Variants in PTPN1 observed in about 807,000 individuals in gnomAD.
The protein encoded by PTPN1 is protein tyrosine phosphatase non-receptor type 1, also known as tyrosine-protein phosphatase non-receptor type 1.
A neutral mutation model predicts 59.9 loss-of-function variants in PTPN1; 12 were observed. The ratio of observed to expected loss-of-function variants is 0.20; its 90% confidence interval spans 0.13 to 0.32. The LOEUF (loss-of-function observed/expected upper bound fraction) is 0.32. Among genes scored for constraint, PTPN1 ranks in the 10% least tolerant of loss-of-function variants. The probability of loss-of-function intolerance (pLI) is 1.00; values close to 1 mark genes in which losing one functional copy is unlikely to be tolerated. For synonymous variants in PTPN1, 178 were observed against 203.6 expected (o/e 0.87, Z 1.07); for missense variants, 356 against 549.2 (o/e 0.65, Z 3.52).
chr20:50,517,520 A>G (rs2082534125), intron 1 of PTPN1, among the ~76,000 whole-genome samples: 1 of 152,178 alleles, frequency 6.6e-6, no homozygotes, highest in African/African-American at 2.4e-5. Context: ...CAGGCTCCCA[A>G]AGTGTTGGGA....
rs150719135 is a variant in PTPN1, at chr20:50,537,249, G to A, written c.64-24114G>A. ...GAGGCAGGAGAATCGTTTGAACTCC[G>A]GAGGCAGAGGTTGCAGTGAGCCGAG... On this transcript the variant is annotated intron_variant, in intron 1 of 9. Transcript: ENST00000371621. Among the ~76,000 whole-genome samples, 816 of 152,262 alleles carry A rather than the reference G, an allele frequency of 5.4e-3. 9 individuals carry two copies. Among genetic ancestry groups the A allele is most frequent in the African/African-American group, 0.019 (778 of 41,536 alleles).
In PTPN1 at chr20:50,523,165, G is replaced by C. The variant is rs1027484364; in HGVS notation, c.63+12575G>C. Among the ~76,000 whole-genome samples, 9 of 152,242 alleles carry C rather than the reference G, an allele frequency of 5.9e-5. No individual in the cohort carries two copies. The South Asian group carries it at 1.7e-3, about 28-fold the overall frequency. On this transcript the variant is annotated intron_variant, in intron 1 of 9. Coordinates refer to ENST00000371621, the MANE Select transcript of PTPN1 (RefSeq NM_002827.4). ...GAAGGGGAAGAAGAGGAAACGGGAG[G>C]AATGTTCCAGATTAGGGAAATAGCT...
chr20:50,524,232 T>C (rs973740019), intron 1 of PTPN1, among the ~76,000 whole-genome samples: 6 of 152,104 alleles, frequency 3.9e-5, no homozygotes, highest in African/African-American at 1.2e-4. Context: ...GAGGGTGATA[T>C]TTGTTTCATT....
rs1601409191 is a variant in PTPN1, at chr20:50,564,900, G to A, written c.155-69G>A. The A allele has an allele frequency of 5.7e-6, 9 of 1,589,170 alleles. No homozygotes were observed. The East Asian group carries it at 2.0e-4, about 36-fold the overall frequency. ...ACCAACTCACCTTTGCTTTTCTGTA[G>A]GGTGTGCACCTGTATGTACACATTC... On this transcript the variant is annotated intron_variant, in intron 2 of 9. Transcript: ENST00000371621.
chr20:50,543,975 A>T (rs563070857), intron 1 of PTPN1, among the ~76,000 whole-genome samples: 32 of 152,084 alleles, frequency 2.1e-4, no homozygotes, highest in Non-Finnish European at 1.9e-4. Context: ...CCTCCCGAGT[A>T]GCTGGGATTA....
chr20:50,582,745 A>C lies in PTPN1; in HGVS notation c.*30A>C. The C allele has an allele frequency of 1.2e-6, 2 of 1,613,016 alleles. No individual in the cohort carries two copies. Among genetic ancestry groups the C allele is most frequent in the East Asian group, 2.2e-5 (1 of 44,864 alleles). ...ACCCTCCTCCACTCCACCTCCACCC[A>C]CTGTCCGCCTCTGCCCGCAGAGCCC... On this transcript the variant is annotated 3_prime_UTR_variant, in exon 10 of 10. Coordinates refer to ENST00000371621, the MANE Select transcript of PTPN1 (RefSeq NM_002827.4). The surrounding 1 kb of genome is among the most constrained non-coding windows in gnomAD (Gnocchi z 4.2).
rs1333552800 is a variant in PTPN1 at position 50,582,280 on chromosome 20, A to G, written c.1285-412A>G. 2.0e-5 allele frequency among the ~76,000 whole-genome samples: 3 copies of G among 152,222 alleles called. No homozygotes were observed. The highest frequency in any genetic ancestry group is 7.2e-5 in the African/African-American group (3 of 41,460). On this transcript the variant is annotated intron_variant, in intron 9 of 9. Coordinates refer to ENST00000371621, the MANE Select transcript of PTPN1 (RefSeq NM_002827.4). The surrounding 1 kb of genome is among the most constrained non-coding windows in gnomAD (Gnocchi z 4.2). ...AGGTCACCACAGGGTGGCCATTGGC[A>G]TGTCAACCCGCTGTTAATTCAGAGA... is the stretch of plus-strand genomic sequence containing the variant.
intron 4 of PTPN1, chr20:50,574,285 C>G (rs919355293): frequency 6.4e-6 from 3 of 472,218 alleles, no homozygotes; most frequent in East Asian, 7.5e-5. Context: ...GACCGGGGAG[C>G]CGATGGGTTT....
In PTPN1 at chr20:50,582,541, GGA is replaced by G; in HGVS notation, c.1285-147_1285-146del. ...TTTTTTCCTTGGGGATGATTTTTGGGGAGAGGGGGCTACTGTAAAAAATAAAA... is the reference window on the plus strand; with the variant it reads ...TTTTTTCCTTGGGGATGATTTTTGGGGAGGGGGCTACTGTAAAAAATAAAA... On this transcript the variant is annotated intron_variant, in intron 9 of 9. Coordinates refer to ENST00000371621, the MANE Select transcript of PTPN1 (RefSeq NM_002827.4). This position sits in a 1 kb window ranked among gnomAD's most constrained non-coding sequence, Gnocchi z 4.2. 1 of 733,198 alleles carries G rather than the reference GGA, an allele frequency of 1.4e-6. No homozygotes were observed. The highest frequency in any genetic ancestry group is 2.8e-5 in the East Asian group (1 of 36,318). The allele number at this position is 733,198 out of a possible 1,614,324, so 45.4% of individuals were successfully genotyped here. A position where few individuals can be genotyped will look rare whatever the true frequency, so the allele number is the denominator to read the frequency against.
At chr20:50,511,390 C>T (rs1167467437) in intron 1 of PTPN1, among the ~76,000 whole-genome samples, 2 of 152,070 alleles carry the variant, frequency 1.3e-5, no homozygotes, top group African/African-American at 4.8e-5. Context: ...GTGAGCTGAA[C>T]CAAGAGGAGC....
At chr20:50,533,139 C>T (rs528069250) in intron 1 of PTPN1, among the ~76,000 whole-genome samples, 2 of 151,704 alleles carry the variant, frequency 1.3e-5, no homozygotes, top group South Asian at 2.1e-4. Context: ...GGTGTTCTAG[C>T]GAATTTCTAA....
intron 1 of PTPN1, among the ~76,000 whole-genome samples, chr20:50,514,144 T>A (rs938395181): frequency 3.3e-5 from 5 of 152,256 alleles, no homozygotes; most frequent in African/African-American, 1.2e-4. Flanking sequence ...ATCACTGGCA[T>A]ATTTATAGGA....
chr20:50,574,890 G>C, intron 5 of PTPN1: 2 of 464,076 alleles, frequency 4.3e-6, no homozygotes, highest in South Asian at 6.4e-5. Context: ...CCAGTTCTTA[G>C]GGAAAGGAGA....
At chr20:50,527,867 T>G (rs1387697274) in intron 1 of PTPN1, among the ~76,000 whole-genome samples, 1 of 152,180 alleles carries the variant, frequency 6.6e-6, no homozygotes, top group Non-Finnish European at 1.5e-5. Flanking sequence ...CTTCTCTGTT[T>G]GTTCCTCAAC....
intron 1 of PTPN1, among the ~76,000 whole-genome samples, chr20:50,544,294 A>G (rs550033781): frequency 6.6e-6 from 1 of 152,116 alleles, no homozygotes; most frequent in Non-Finnish European, 1.5e-5. Context: ...GGGACCACAG[A>G]CATGTACCAC....
At chr20:50,580,966 C>A (rs1052741682) in intron 8 of PTPN1, among the ~76,000 whole-genome samples, 1 of 152,164 alleles carries the variant, frequency 6.6e-6, no homozygotes, top group Non-Finnish European at 1.5e-5. Context: ...CCAGTGAGTC[C>A]TCCAGCCAGA....
At chr20:50,581,951 CTT>C (rs2122809300) in intron 9 of PTPN1, among the ~76,000 whole-genome samples, 1 of 152,286 alleles carries the variant, frequency 6.6e-6, no homozygotes, top group South Asian at 2.1e-4. Context: ...GAATCCCAAA[CTT>C]TTACGAATGT....
Position 50,578,582 on chromosome 20 carries a change from A to G in PTPN1, c.655A>G (p.Ile219Val), listed in dbSNP as rs2082848820. Residue 219 changes from isoleucine (I) to valine (V), a missense_variant, in exon 6 of 10, where the codon ATC (isoleucine) becomes GTC (valine). Coordinates refer to ENST00000371621, the MANE Select transcript of PTPN1 (RefSeq NM_002827.4). ...GPVVVHCSAGIGRSGTFCLAD... is the reference protein window; with the variant it reads ...GPVVVHCSAGVGRSGTFCLAD... ...CGTTGTGGTGCACTGCAGTGCAGGCATCGGCAGGTCTGGAACCTTCTGTCT... is the reference window on the plus strand; with the variant it reads ...CGTTGTGGTGCACTGCAGTGCAGGCGTCGGCAGGTCTGGAACCTTCTGTCT... 6.2e-7 allele frequency: 1 copy of G among 1,614,096 alleles called. No individual in the cohort carries two copies. The highest frequency in any genetic ancestry group is 1.1e-5 in the South Asian group (1 of 91,090).
At chr20:50,548,804 G>T (rs2082687714) in intron 1 of PTPN1, among the ~76,000 whole-genome samples, 1 of 152,104 alleles carries the variant, frequency 6.6e-6, no homozygotes, top group South Asian at 2.1e-4. Context: ...TGCAACCTCT[G>T]CCTCCTGGGT....
Sources: allele counts gnomAD v4.1 joint callset (sites outside exome capture counted in the v4.1 genomes callset), GRCh38; gene constraint gnomAD v4.1.1; non-coding constraint Gnocchi (gnomAD v3.1); transcripts MANE v1.5; gene names NCBI Gene and HGNC (gene_info 2026-07-23, HGNC 2026-07-21).